The following FAP variants were observed in gnomAD, a reference collection of about 807,000 sequenced individuals.
FAP encodes the protein prolyl endopeptidase FAP.
Under a neutral mutation model 126.5 loss-of-function variants are expected in FAP, and 110 were observed. The observed-to-expected ratio is 0.87, with a 90% CI of 0.74 to 1.02. The LOEUF is 1.02. Ranked by LOEUF, FAP falls within the 50% of genes least tolerant of loss-of-function variation. The pLI is 0.00. For missense variants in FAP, 919 were observed against 909.2 expected, an observed-to-expected ratio of 1.01 and a Z score of -0.14; for synonymous variants, 334 against 297.3, an observed-to-expected ratio of 1.12 and a Z score of -1.27.
chr2:162,198,161 A>G (rs1220823234), intron 16 of FAP: 1 of 1,284,022 alleles, frequency 7.8e-7, no homozygotes, highest in Non-Finnish European at 1.0e-6. Flanking sequence ...GGTTTGTTAT[A>G]TTTGATGCAT....
intron 2 of FAP, among the ~76,000 whole-genome samples, chr2:162,237,510 G>T (rs960656225): frequency 6.6e-6 from 1 of 152,152 alleles, no homozygotes; most frequent in Non-Finnish European, 1.5e-5. Context: ...GAGAATGATG[G>T]TTTCCAGCTT....
At chr2:162,222,568 T>C (rs1689453270) in intron 6 of FAP, among the ~76,000 whole-genome samples, 1 of 152,120 alleles carries the variant, frequency 6.6e-6, no homozygotes, top group Admixed American at 6.5e-5. Context: ...TCAATACCTC[T>C]TCAAGCCATA....
intron 17 of FAP, among the ~76,000 whole-genome samples, chr2:162,190,644 T>C (rs1241544031): frequency 6.6e-6 from 1 of 152,110 alleles, no homozygotes; most frequent in African/African-American, 2.4e-5. Context: ...TAGAGAAAAG[T>C]TAGCCTTTCA....
At chr2:162,173,301 T>A in intron 23 of FAP, 80 bp from the exon 24 acceptor site, 1 of 963,774 alleles carries the variant, frequency 1.0e-6, no homozygotes. Flanking sequence ...GCAATGGACT[T>A]AGCACCAATA....
intron 2 of FAP, among the ~76,000 whole-genome samples, chr2:162,231,723 CGTT>C (rs1689908231): frequency 6.6e-6 from 1 of 152,128 alleles, no homozygotes; most frequent in African/African-American, 2.4e-5. Context: ...TTTCTTAAAA[CGTT>C]GTGCTTCAAT....
At chr2:162,195,234 G>A (rs780177344) in intron 16 of FAP, among the ~76,000 whole-genome samples, 5 of 152,078 alleles carry the variant, frequency 3.3e-5, no homozygotes, top group African/African-American at 4.8e-5. Flanking sequence ...AATCTACATG[G>A]GATATACTTC....
intron 2 of FAP, among the ~76,000 whole-genome samples, chr2:162,234,848 G>A (rs1332086887): frequency 6.6e-6 from 1 of 152,150 alleles, no homozygotes; most frequent in African/African-American, 2.4e-5. Flanking sequence ...GGCTTGCGGG[G>A]AGGTGTGGAG....
rs773451075 is a variant in FAP, at chr2:162,171,125, A to T, written c.2182-45T>A. ...GCTTGTTTTATTCCTGCAGTCATCA[A>T]ATGCATTTAGCTTGGACTTTTTTGT... On this transcript the variant is annotated intron_variant, in intron 25 of 25. Transcript: ENST00000188790. 30 of 1,507,548 alleles carry T rather than the reference A, an allele frequency of 2.0e-5. No individual in the cohort carries two copies. In the Admixed American group the frequency reaches 2.0e-4, roughly 10 times the overall value. 93.4% of individuals were successfully genotyped at this position (1,507,548 alleles called of 1,614,324 possible).
At chr2:162,195,012 C>G in intron 16 of FAP, 1 of 469,106 alleles carries the variant, frequency 2.1e-6, no homozygotes, top group Non-Finnish European at 3.9e-6. Context: ...TCATTAATAT[C>G]GAATTACACA....
intron 1 of FAP, 21 bp downstream of exon 1, chr2:162,243,301 C>T: frequency 1.3e-6 from 2 of 1,577,662 alleles, no homozygotes; most frequent in Non-Finnish European, 8.7e-7. Flanking sequence ...TTTAAGAATA[C>T]TTGAGGTTGC....
intron 1 of FAP, 137 bp downstream of exon 1, chr2:162,243,185 A>G: frequency 1.2e-6 from 1 of 830,408 alleles, no homozygotes; most frequent in East Asian, 2.5e-5. Flanking sequence ...TATTTAGAAC[A>G]ATTTTCCAAT....
Position 162,224,550 on chromosome 2 carries a change from T to A in FAP, c.286-10A>T. 1 of 1,548,914 alleles carries A rather than the reference T, an allele frequency of 6.5e-7. No homozygotes were observed. Among genetic ancestry groups the A allele is most frequent in the Non-Finnish European group, 8.8e-7 (1 of 1,136,210 alleles). On this transcript the variant is annotated splice_polypyrimidine_tract_variant and intron_variant, in intron 4 of 25. Transcript: ENST00000188790. ...AAGCATTCACACTTTTCTGAAATTATGAAGAGGTTGATTAGAATACAGAAA... is the reference window on the plus strand; with the variant it reads ...AAGCATTCACACTTTTCTGAAATTAAGAAGAGGTTGATTAGAATACAGAAA...
intron 16 of FAP, 70 bp from the exon 17 acceptor site, chr2:162,194,818 T>TA: frequency 7.3e-7 from 1 of 1,375,224 alleles, no homozygotes; most frequent in South Asian, 1.2e-5. Flanking sequence ...GACGGGCTGC[T>TA]GGTAGTATTT....
chr2:162,243,376 GT>G lies in FAP; in HGVS notation c.-50del. 6.2e-7 allele frequency: 1 copy of G among 1,601,218 alleles called. No homozygotes were observed. Among genetic ancestry groups the G allele is most frequent in the South Asian group, 1.1e-5 (1 of 88,714 alleles). ...AGCTAATTCTGTCTTCAGAGCGTGGGTCACTGGATCTGTGAAAACCGTTGAA... is the reference window on the plus strand; with the variant it reads ...AGCTAATTCTGTCTTCAGAGCGTGGGCACTGGATCTGTGAAAACCGTTGAA... On this transcript the variant is annotated 5_prime_UTR_variant, in exon 1 of 26. Coordinates refer to ENST00000188790, the MANE Select transcript of FAP (RefSeq NM_004460.5).
intron 17 of FAP, among the ~76,000 whole-genome samples, chr2:162,191,054 G>T (rs1688023047): frequency 6.6e-6 from 1 of 152,060 alleles, no homozygotes; most frequent in Non-Finnish European, 1.5e-5. Flanking sequence ...GTACAGTAGA[G>T]CCAACCCTTC....
rs571482304 is a variant in FAP, at chr2:162,200,532, C to A, written c.1277+34G>T. ...GACTTTTTATATTAAAATATCAACA[C>A]ATAGAAATACCAGAATGAATGGACA... On this transcript the variant is annotated intron_variant, in intron 15 of 25. Transcript: ENST00000188790. 10 of 1,218,876 alleles carry A rather than the reference C, an allele frequency of 8.2e-6. No homozygotes were observed. The South Asian group carries it at 1.2e-4, about 14-fold the overall frequency. The allele number at this position is 1,218,876 out of a possible 1,614,324, so 75.5% of individuals were successfully genotyped here.
At chr2:162,241,792 A>G (rs537261382) in intron 2 of FAP, among the ~76,000 whole-genome samples, 1 of 152,234 alleles carries the variant, frequency 6.6e-6, no homozygotes, top group African/African-American at 2.4e-5. Flanking sequence ...CCTAAGAAGA[A>G]TCTTGTGCTG....
intron 3 of FAP, among the ~76,000 whole-genome samples, chr2:162,226,102 A>G (rs1377941882): frequency 2.0e-5 from 3 of 152,152 alleles, no homozygotes; most frequent in African/African-American, 7.2e-5. Context: ...GAAAAGCTGT[A>G]TGAAAATACC....
At chr2:162,189,271 A>G in intron 18 of FAP, 99 bp from the exon 19 acceptor site, 1 of 619,222 alleles carries the variant, frequency 1.6e-6, no homozygotes, top group Non-Finnish European at 2.7e-6. Flanking sequence ...TCAATTTTCA[A>G]CTACTAAATT....
Sources: gnomAD v4.1 joint callset for allele counts (sites outside exome capture counted in the v4.1 genomes callset) on GRCh38, gnomAD v4.1.1 for gene constraint, MANE v1.5 for transcripts, NCBI Gene and HGNC (gene_info 2026-07-23, HGNC 2026-07-21) for gene names.